TRPC5: variants seen among roughly 807,000 people sequenced by gnomAD.
TRPC5 encodes the protein transient receptor potential cation channel subfamily C member 5, also known as short transient receptor potential channel 5.
A neutral mutation model predicts 56.5 loss-of-function variants in TRPC5; 9 were observed. The ratio of observed to expected loss-of-function variants is 0.16; its 90% confidence interval spans 0.10 to 0.28. The LOEUF (loss-of-function observed/expected upper bound fraction) is 0.28. Ranked by LOEUF, TRPC5 falls within the 10% of genes least tolerant of loss-of-function variation. The pLI, the probability that TRPC5 is intolerant of heterozygous loss-of-function variation, is 1.00. For missense variants in TRPC5, 469 were observed against 748.9 expected (o/e 0.63, Z 4.36); for synonymous variants, 282 against 278.5 (o/e 1.01, Z -0.13).
intron 3 of TRPC5, among the ~76,000 whole-genome samples, chrX:111,867,569 T>C (rs1923584051): frequency 8.9e-6 from 1 of 112,001 alleles, no homozygotes; most frequent in African/African-American, 3.2e-5. Flanking sequence ...TGTACTTCTA[T>C]GTAGAATCAG....
chrX:111,998,925 ATTTAT>A (rs57854375), intron 1 of TRPC5, among the ~76,000 whole-genome samples: 2 of 111,736 alleles, frequency 1.8e-5, no homozygotes, highest in African/African-American at 3.3e-5. Flanking sequence ...ACTATAAGTT[ATTTAT>A]TTTATTTTAT....
chrX:111,931,688 A>G (rs932736764), intron 2 of TRPC5, among the ~76,000 whole-genome samples: 10 of 111,930 alleles, frequency 8.9e-5, no homozygotes, highest in Admixed American at 4.7e-4. Context: ...TCTATCCACA[A>G]TTCTTATATG....
At chrX:111,812,474 A>G (rs761225760) in intron 7 of TRPC5, among the ~76,000 whole-genome samples, 1 of 111,906 alleles carries the variant, frequency 8.9e-6, no homozygotes, top group South Asian at 3.7e-4. Flanking sequence ...TATTATAAAT[A>G]CTCTTCTAAA....
intron 7 of TRPC5, among the ~76,000 whole-genome samples, chrX:111,834,403 C>T (rs769444363): frequency 1.8e-5 from 2 of 111,616 alleles, no homozygotes; most frequent in African/African-American, 6.5e-5. Context: ...CCAGCCTGGG[C>T]AACATATCAG....
chrX:111,784,277 A>G (rs753828765), intron 7 of TRPC5, among the ~76,000 whole-genome samples: 2 of 112,635 alleles, frequency 1.8e-5, no homozygotes, highest in East Asian at 5.6e-4. Flanking sequence ...ACCAAGTGAC[A>G]AAAGAAAATA....
rs756272559 is a variant in TRPC5 at position 111,776,135 on chromosome X, GTAA to G, written c.*175_*177del. 1.1e-3 allele frequency: 470 copies of G among 427,618 alleles called. 5 individuals are homozygous for G. The East Asian group carries it at 0.018, about 16-fold the overall frequency. The allele number at this position is 427,618 out of a possible 1,213,427, so 35.2% of individuals were successfully genotyped here. A position where few individuals can be genotyped will look rare whatever the true frequency, so the allele number is the denominator to read the frequency against. On this transcript the variant is annotated 3_prime_UTR_variant, in exon 11 of 11. Transcript: ENST00000262839. ...ATTAAAAAGGCAAATAATAATGAAA[GTAA>G]TAATAAAACAAGAACAAAAATGGAG...
chrX:111,823,510 G>A (rs965928009), intron 7 of TRPC5, among the ~76,000 whole-genome samples: 5 of 111,473 alleles, frequency 4.5e-5, no homozygotes, highest in African/African-American at 9.8e-5. Context: ...TCATACAAAC[G>A]AACTTGGTAG....
At chrX:111,997,501 T>C (rs757477324) in intron 1 of TRPC5, among the ~76,000 whole-genome samples, 8 of 111,068 alleles carry the variant, frequency 7.2e-5, no homozygotes, top group South Asian at 3.9e-4. Flanking sequence ...ATCTTTGTGG[T>C]GTTCTCTGGA....
chrX:111,877,803 G>A (rs1412047662), intron 3 of TRPC5, among the ~76,000 whole-genome samples: 2 of 111,494 alleles, frequency 1.8e-5, no homozygotes, highest in Non-Finnish European at 3.8e-5. Context: ...ACCTACCTAT[G>A]TAGGTTGGCT....
chrX:111,984,597 C>G (rs1404170794), intron 1 of TRPC5, among the ~76,000 whole-genome samples: 1 of 111,913 alleles, frequency 8.9e-6, no homozygotes, highest in African/African-American at 3.2e-5. Flanking sequence ...TACCCACTCT[C>G]TGGCACACAA....
At chrX:111,817,976 C>G (rs912252778) in intron 7 of TRPC5, among the ~76,000 whole-genome samples, 1 of 111,407 alleles carries the variant, frequency 9.0e-6, no homozygotes, top group African/African-American at 3.3e-5. Context: ...TTCATCCTCG[C>G]TCCCAAACAC....
At chrX:111,997,408 C>T (rs183459999) in intron 1 of TRPC5, among the ~76,000 whole-genome samples, 175 of 111,686 alleles carry the variant, frequency 1.6e-3, no homozygotes, top group African/African-American at 5.1e-3. Context: ...GTAACTCGAC[C>T]TTTCTCTCTG....
intron 1 of TRPC5, among the ~76,000 whole-genome samples, chrX:112,043,027 T>C (rs185074947): frequency 2.2e-4 from 25 of 112,146 alleles, no homozygotes; most frequent in Non-Finnish European, 3.8e-4. Context: ...TCATGGTATC[T>C]GTAACCATTC....
intron 1 of TRPC5, among the ~76,000 whole-genome samples, chrX:112,050,787 G>A: frequency 8.9e-6 from 1 of 112,004 alleles, no homozygotes; most frequent in East Asian, 2.8e-4. Flanking sequence ...GCACTTTGTT[G>A]GGTAGAAAGG....
chrX:111,789,500 C>T (rs1326352539), intron 7 of TRPC5, among the ~76,000 whole-genome samples: 1 of 112,085 alleles, frequency 8.9e-6, no homozygotes. Flanking sequence ...AGGACATAGG[C>T]ATGGGCAAGG....
chrX:111,886,125 T>TA (rs1924481780), intron 3 of TRPC5, among the ~76,000 whole-genome samples: 1 of 110,983 alleles, frequency 9.0e-6, no homozygotes. Context: ...ACTAAAAATA[T>TA]AAAAAATAGT....
chrX:111,769,521 C>T lies in TRPC5; in HGVS notation c.*6792G>A, dbSNP rs1299346824. Among the ~76,000 whole-genome samples, 1 of 111,536 alleles carries T rather than the reference C, an allele frequency of 9.0e-6. No individual in the cohort carries two copies. The highest frequency in any genetic ancestry group is 9.6e-5 in the Admixed American group (1 of 10,471). On this transcript the variant is annotated 3_prime_UTR_variant, in exon 11 of 11. Coordinates refer to ENST00000262839, the MANE Select transcript of TRPC5 (RefSeq NM_012471.3). ...TTCTTGAGGGGGTGATGGAGATATTCTATAACTTGATTTTGGCTGGTGCTT... is the reference window on the plus strand; with the variant it reads ...TTCTTGAGGGGGTGATGGAGATATTTTATAACTTGATTTTGGCTGGTGCTT...
chrX:111,898,251 TTATATA>T (rs58112324), intron 3 of TRPC5, among the ~76,000 whole-genome samples: 7,564 of 92,314 alleles, frequency 0.082, 347 homozygotes, highest in African/African-American at 0.17. Context: ...GTAGGGGTTC[TTATATA>T]TATATATATA....
chrX:111,780,290 C>CTT (rs1201370152), intron 9 of TRPC5, among the ~76,000 whole-genome samples: 4 of 101,877 alleles, frequency 3.9e-5, no homozygotes, highest in African/African-American at 1.1e-4. Context: ...AGGTTTATTA[C>CTT]TTTTTTTTTT....
Sources: allele counts gnomAD v4.1 joint callset (sites outside exome capture counted in the v4.1 genomes callset), GRCh38; gene constraint gnomAD v4.1.1; transcripts MANE v1.5; gene names NCBI Gene and HGNC (gene_info 2026-07-23, HGNC 2026-07-21).